EVL: variants seen among roughly 807,000 people sequenced by gnomAD.
EVL encodes ena/VASP-like protein.
In EVL, 21 loss-of-function variants were observed where a neutral mutation model predicts 59.6. That is an observed-to-expected ratio of 0.35 (90% CI 0.25 to 0.51). The LOEUF (loss-of-function observed/expected upper bound fraction) is 0.51. Ranked by LOEUF, EVL falls within the 20% of genes least tolerant of loss-of-function variation. The probability of loss-of-function intolerance (pLI) is 0.97; values close to 1 mark genes in which losing one functional copy is unlikely to be tolerated. For synonymous variants in EVL, 198 were observed against 203.5 expected (o/e 0.97, Z 0.23); for missense variants, 462 against 546.6 (o/e 0.85, Z 1.54).
At chr14:99,980,039 G>A (rs945685647) in intron 1 of EVL, among the ~76,000 whole-genome samples, 17 of 152,090 alleles carry the variant, frequency 1.1e-4, no homozygotes, top group Non-Finnish European at 1.9e-4. Context: ...ATGATTTAAG[G>A]TATATGGGAA....
chr14:100,052,630 G>T (rs1249087339), intron 1 of EVL, among the ~76,000 whole-genome samples: 1 of 151,956 alleles, frequency 6.6e-6, no homozygotes, highest in Non-Finnish European at 1.5e-5. Flanking sequence ...GTGTGCACCT[G>T]TAGCCCCAGC....
At chr14:100,099,359 G>C (rs567860343) in intron 3 of EVL, among the ~76,000 whole-genome samples, 1 of 152,078 alleles carries the variant, frequency 6.6e-6, no homozygotes, top group Non-Finnish European at 1.5e-5. Flanking sequence ...CATAGTGAGA[G>C]CCTGTGTCTT....
At chr14:100,031,031 A>G (rs542510212) in intron 1 of EVL, among the ~76,000 whole-genome samples, 2 of 151,920 alleles carry the variant, frequency 1.3e-5, no homozygotes, top group South Asian at 4.2e-4. Flanking sequence ...AACTCAGTGA[A>G]GAGCACCCTT....
chr14:100,107,246 G>A, intron 3 of EVL: 1 of 398,712 alleles, frequency 2.5e-6, no homozygotes, highest in Non-Finnish European at 4.4e-6. Flanking sequence ...CTCCAGGAGA[G>A]CAGGGCCCTG....
At chr14:100,132,510 G>A (rs1170541173) in intron 7 of EVL, among the ~76,000 whole-genome samples, 3 of 152,134 alleles carry the variant, frequency 2.0e-5, no homozygotes, top group Non-Finnish European at 4.4e-5. Context: ...TGTGTCCCAG[G>A]CCATGACCAC....
At chr14:100,122,401 G>A (rs1595220463) in intron 3 of EVL, among the ~76,000 whole-genome samples, 1 of 152,220 alleles carries the variant, frequency 6.6e-6, no homozygotes, top group Admixed American at 6.5e-5. Context: ...TTATAGGGCT[G>A]TGAGAATTAG....
chr14:100,006,009 TCCCC>T (rs58699616), intron 1 of EVL, among the ~76,000 whole-genome samples: 1 of 114,752 alleles, frequency 8.7e-6, no homozygotes, highest in African/African-American at 3.2e-5. Flanking sequence ...GCTGGCCATT[TCCCC>T]CCCCCCCCCC....
chr14:100,131,870 G>C (rs1888457374), intron 7 of EVL, among the ~76,000 whole-genome samples: 1 of 152,186 alleles, frequency 6.6e-6, no homozygotes, highest in Non-Finnish European at 1.5e-5. Context: ...GGGCAGACCT[G>C]TCCTGAGATG....
upstream of EVL, among the ~76,000 whole-genome samples, chr14:100,063,970 G>A (rs1241069287): frequency 6.6e-6 from 1 of 152,110 alleles, no homozygotes; most frequent in African/African-American, 2.4e-5. Flanking sequence ...ATTTAACGAA[G>A]CACTTATCAA....
intron 11 of EVL, chr14:100,140,801 G>A (rs1018373762): frequency 5.8e-6 from 1 of 172,642 alleles, no homozygotes; most frequent in Non-Finnish European, 1.2e-5. Flanking sequence ...GCTCAACCTG[G>A]AGCATGAGCT....
chr14:99,995,039 T>C (rs1432775198), intron 1 of EVL, among the ~76,000 whole-genome samples: 1 of 152,222 alleles, frequency 6.6e-6, no homozygotes, highest in Admixed American at 6.5e-5. Flanking sequence ...AGCTTCCTTA[T>C]ACATGAAGAG....
intron 1 of EVL, among the ~76,000 whole-genome samples, chr14:99,978,263 A>C (rs1471039791): frequency 1.3e-5 from 2 of 149,812 alleles, no homozygotes; most frequent in East Asian, 4.0e-4. Context: ...TTAGCCGGGC[A>C]TGGTGGCGGG....
At chr14:99,978,594 C>T (rs1000463562) in intron 1 of EVL, among the ~76,000 whole-genome samples, 6 of 151,990 alleles carry the variant, frequency 3.9e-5, no homozygotes, top group African/African-American at 1.5e-4. Context: ...TTTACCTGTA[C>T]CTGAAGTACT....
At chr14:100,061,764 T>A (rs897468723), upstream of EVL, among the ~76,000 whole-genome samples, 6 of 152,176 alleles carry the variant, frequency 3.9e-5, no homozygotes, top group Non-Finnish European at 7.3e-5. Context: ...TATTATACAC[T>A]GTATTCTTAT....
chr14:100,097,880 A>C (rs1302890708), intron 3 of EVL: 2 of 459,898 alleles, frequency 4.3e-6, no homozygotes, highest in African/African-American at 4.0e-5. Flanking sequence ...TGTGAGATAT[A>C]GATTTGTACA....
At chr14:100,136,045 C>A in intron 9 of EVL, 77 bp downstream of exon 9, 1 of 1,517,020 alleles carries the variant, frequency 6.6e-7, no homozygotes, top group Non-Finnish European at 9.1e-7. Flanking sequence ...GGACAGGACC[C>A]TCTGATCCAG....
chr14:100,137,516 A>T (rs1227927310), intron 9 of EVL, 62 bp from the exon 10 acceptor site: 15 of 1,555,066 alleles, frequency 9.6e-6, no homozygotes, highest in Non-Finnish European at 1.3e-5. Context: ...TGTTTAGGGG[A>T]TTGGGGTGGC....
intron 1 of EVL, among the ~76,000 whole-genome samples, chr14:100,016,335 C>G (rs559216789): frequency 6.6e-6 from 1 of 152,192 alleles, no homozygotes; most frequent in Non-Finnish European, 1.5e-5. Flanking sequence ...TCAACACCAT[C>G]CTGGCCAACA....
chr14:100,084,905 T>C (rs2140301866), intron 2 of EVL, 50 bp downstream of exon 2: 1 of 1,593,150 alleles, frequency 6.3e-7, no homozygotes, highest in South Asian at 1.1e-5. Context: ...CACCACCTCC[T>C]CACCGCCCAC....
Sources: allele counts gnomAD v4.1 joint callset (sites outside exome capture counted in the v4.1 genomes callset), GRCh38; gene constraint gnomAD v4.1.1; transcripts MANE v1.5; gene names NCBI Gene and HGNC (gene_info 2026-07-23, HGNC 2026-07-21).